Variants in UBR1 observed in about 807,000 individuals in gnomAD.
UBR1 encodes the protein ubiquitin protein ligase E3 component n-recognin 1.
Under a neutral mutation model 242.1 loss-of-function variants are expected in UBR1, and 102 were observed. That is an observed-to-expected ratio of 0.42 (90% CI 0.36 to 0.50). The LOEUF is 0.50. Among genes scored for constraint, UBR1 ranks in the 20% least tolerant of loss-of-function variants. The pLI, the probability that UBR1 is intolerant of heterozygous loss-of-function variation, is 0.01. For synonymous variants in UBR1, 675 were observed against 684.8 expected (o/e 0.99, Z 0.22); for missense variants, 1,772 against 2,101.8 (o/e 0.84, Z 3.07).
intron 3 of UBR1, among the ~76,000 whole-genome samples, chr15:43,078,403 C>G (rs919407381): frequency 1.3e-5 from 2 of 151,724 alleles, no homozygotes; most frequent in Non-Finnish European, 2.9e-5. Flanking sequence ...ATATCATCAA[C>G]AAAAAAAGAA....
chr15:43,008,502 G>C (rs2032868020), intron 29 of UBR1, among the ~76,000 whole-genome samples: 1 of 152,276 alleles, frequency 6.6e-6, no homozygotes, highest in South Asian at 2.1e-4. Flanking sequence ...AGGTGGCTCA[G>C]CATGGGCCTG....
chr15:43,043,234 T>C lies in UBR1; in HGVS notation c.1830A>G (p.Pro610=). The C allele has an allele frequency of 6.2e-7, 1 of 1,613,340 alleles. No homozygotes were observed. The highest frequency in any genetic ancestry group is 1.7e-4 in the Middle Eastern group (1 of 6,060). ...VSEDLVSIHL[P]LSRTLAGLHV... ...ACTCACCAGCAAGGGTCCTAGAGAGTGGCAGATGTATGCTTACAAGATCCT... is the reference window on the plus strand; with the variant it reads ...ACTCACCAGCAAGGGTCCTAGAGAGCGGCAGATGTATGCTTACAAGATCCT... The change falls in exon 15 of 47, where the codon CCA becomes CCG. Residue 610 remains proline (P), a synonymous_variant. Coordinates refer to ENST00000290650, the MANE Select transcript of UBR1 (RefSeq NM_174916.3).
intron 5 of UBR1, 148 bp from the exon 6 acceptor site, chr15:43,068,184 ATTTTTT>A (rs545130203): frequency 2.1e-4 from 53 of 254,818 alleles, no homozygotes; most frequent in East Asian, 5.3e-4. Flanking sequence ...ATAGAATTTG[ATTTTTT>A]TTTTTTTTTT....
chr15:43,055,930 A>G lies in UBR1; in HGVS notation c.1281+414T>C, dbSNP rs190284394. ...GACTCTGTCTCAAGAAACAAAAAAC[A>G]AAGAAAAGAAGTGGTATACAAAGGA... is the stretch of plus-strand genomic sequence containing the variant. On this transcript the variant is annotated intron_variant, in intron 11 of 46. Transcript: ENST00000290650. Among the ~76,000 whole-genome samples, 987 of 152,218 alleles carry G rather than the reference A, an allele frequency of 6.5e-3. 2 individuals carry two copies. Among genetic ancestry groups the G allele is most frequent in the Non-Finnish European group, 9.3e-3 (635 of 68,008 alleles).
intron 1 of UBR1, among the ~76,000 whole-genome samples, chr15:43,097,744 G>A (rs564410082): frequency 1.6e-4 from 24 of 152,240 alleles, no homozygotes; most frequent in African/African-American, 4.6e-4. Flanking sequence ...CTCAGCCTTC[G>A]GAGAACTGAA....
intron 22 of UBR1, among the ~76,000 whole-genome samples, chr15:43,027,186 T>G (rs961806873): frequency 3.3e-5 from 5 of 152,134 alleles, no homozygotes; most frequent in African/African-American, 1.2e-4. Context: ...AGCTTTTGGT[T>G]TCTATCCAAT....
intron 35 of UBR1, among the ~76,000 whole-genome samples, chr15:42,986,222 A>G (rs1256113890): frequency 6.6e-6 from 1 of 152,170 alleles, no homozygotes; most frequent in Non-Finnish European, 1.5e-5. Context: ...TGCATTCTGT[A>G]CATATCTCTC....
chr15:43,096,135 G>A (rs2034156204), intron 1 of UBR1, among the ~76,000 whole-genome samples: 2 of 151,544 alleles, frequency 1.3e-5, no homozygotes, highest in Non-Finnish European at 2.9e-5. Flanking sequence ...GATTAGGTTG[G>A]TGATTGCTAA....
At chr15:43,104,372 C>T (rs772674364) in intron 1 of UBR1, among the ~76,000 whole-genome samples, 1 of 152,140 alleles carries the variant, frequency 6.6e-6, no homozygotes, top group Non-Finnish European at 1.5e-5. Context: ...AGCAGTTTCC[C>T]CACTCCTTCT....
At chr15:43,082,790 A>T (rs1237357500) in intron 2 of UBR1, 74 bp from the exon 3 acceptor site, 3 of 1,112,776 alleles carry the variant, frequency 2.7e-6, no homozygotes, top group Non-Finnish European at 4.1e-6. Context: ...CTATAATACA[A>T]TGTGAACAAG....
intron 15 of UBR1, among the ~76,000 whole-genome samples, chr15:43,040,926 T>C (rs1393571977): frequency 1.3e-5 from 2 of 152,074 alleles, no homozygotes; most frequent in African/African-American, 4.8e-5. Flanking sequence ...TGGCGATCAT[T>C]AAAAAGTCAG....
At chr15:42,977,019 A>C in intron 38 of UBR1, 152 bp from the exon 39 acceptor site, 3 of 875,512 alleles carry the variant, frequency 3.4e-6, no homozygotes, top group Non-Finnish European at 5.4e-6. Context: ...ATTCAATAGA[A>C]TATCTTAGAA....
intron 42 of UBR1, among the ~76,000 whole-genome samples, chr15:42,962,919 T>G (rs567099436): frequency 6.6e-6 from 1 of 152,022 alleles, no homozygotes; most frequent in Admixed American, 6.6e-5. Context: ...TCCTGCAACA[T>G]AGGGCAGAGG....
chr15:43,031,410 G>A (rs1345329594), intron 20 of UBR1, among the ~76,000 whole-genome samples: 2 of 152,128 alleles, frequency 1.3e-5, no homozygotes, highest in Non-Finnish European at 2.9e-5. Context: ...TTTCCCTTGA[G>A]TTTTCCTAAT....
intron 37 of UBR1, among the ~76,000 whole-genome samples, chr15:42,980,180 T>C (rs2032353871): frequency 6.6e-6 from 1 of 152,234 alleles, no homozygotes; most frequent in African/African-American, 2.4e-5. Context: ...AAGAATACTC[T>C]TTGTGTCATC....
intron 6 of UBR1, among the ~76,000 whole-genome samples, chr15:43,067,433 G>A (rs1281940578): frequency 6.6e-6 from 1 of 152,086 alleles, no homozygotes. Flanking sequence ...CAGGGATGAG[G>A]TTAATATTCC....
In UBR1 at chr15:42,966,286, G is replaced by T; in HGVS notation, c.4458C>A (p.Gly1486=). ...FFAEISQYTS[G]SIGCDIPGWY... ...AGCCAGGAATATCACACCCAATGGA[G>T]CTAGGAGACAATAATTCCAGAAGAG... The change falls in exon 41 of 47, where the codon GGC becomes GGA. Residue 1486 remains glycine, a splice_region_variant and synonymous_variant. Coordinates refer to ENST00000290650, the MANE Select transcript of UBR1 (RefSeq NM_174916.3). The T allele has an allele frequency of 6.2e-7, 1 of 1,614,130 alleles. No individual in the cohort carries two copies. Among genetic ancestry groups the T allele is most frequent in the Non-Finnish European group, 8.5e-7 (1 of 1,180,034 alleles).
chr15:42,981,183 G>A (rs1303623281), intron 37 of UBR1, among the ~76,000 whole-genome samples: 1 of 151,810 alleles, frequency 6.6e-6, no homozygotes, highest in Non-Finnish European at 1.5e-5. Context: ...AAAAAATTCC[G>A]ATTACCTAAA....
intron 1 of UBR1, among the ~76,000 whole-genome samples, chr15:43,103,622 T>A (rs529621268): frequency 6.6e-6 from 1 of 152,330 alleles, no homozygotes; most frequent in South Asian, 2.1e-4. Context: ...GCATGTGAGA[T>A]AATGTTAGGA....
Sources: allele counts gnomAD v4.1 joint callset (sites outside exome capture counted in the v4.1 genomes callset), GRCh38; gene constraint gnomAD v4.1.1; transcripts MANE v1.5; gene names NCBI Gene and HGNC (gene_info 2026-07-23, HGNC 2026-07-21).